AKNA: variants seen among roughly 807,000 people sequenced by gnomAD.
AKNA encodes the protein AT-hook transcription factor.
In AKNA, 67 loss-of-function variants were observed where a neutral mutation model predicts 138.8. The observed-to-expected ratio is 0.48, with a 90% CI of 0.40 to 0.59. AKNA has a LOEUF of 0.59. AKNA is among the 20% of genes least tolerant of loss of function. AKNA has a pLI of 0.00. For synonymous variants in AKNA, 737 were observed against 754.4 expected (o/e 0.98, Z 0.38); for missense variants, 1,813 against 1,880.4 (o/e 0.96, Z 0.66).
At chr9:114,361,176 C>T (rs900868375) in intron 9 of AKNA, among the ~76,000 whole-genome samples, 2 of 152,170 alleles carry the variant, frequency 1.3e-5, no homozygotes, top group Non-Finnish European at 2.9e-5. Context: ...TCATGGGGCC[C>T]CTGCCTGCCT....
At chr9:114,375,322 G>A (rs530721277) in intron 3 of AKNA, among the ~76,000 whole-genome samples, 3 of 152,288 alleles carry the variant, frequency 2.0e-5, no homozygotes, top group African/African-American at 7.2e-5. Flanking sequence ...GTAAGAAGGA[G>A]GACGGACTAA....
At chr9:114,358,385 A>C in intron 11 of AKNA, 1 of 568,260 alleles carries the variant, frequency 1.8e-6, no homozygotes, top group Non-Finnish European at 3.0e-6. Context: ...ATGGATGCCA[A>C]CAAAACCCAC....
chr9:114,341,870 G>C, intron 20 of AKNA, 139 bp downstream of exon 20: 1 of 1,309,914 alleles, frequency 7.6e-7, no homozygotes, highest in South Asian at 1.3e-5. Flanking sequence ...GTCTCTCTTT[G>C]GGGAACAAAT....
upstream of AKNA, among the ~76,000 whole-genome samples, chr9:114,388,775 G>C (rs2787329): frequency 0.48 from 73,718 of 152,022 alleles, 18,366 homozygotes; most frequent in East Asian, 0.79. Flanking sequence ...TGGCAGGGCC[G>C]AAGACAGGCC....
In AKNA at chr9:114,377,363, A is replaced by G; in HGVS notation, c.444T>C (p.Ala148=). ...GESSSRLGYE[A]GLSLEGHGNT... ...TTCCATGGCCTTCCAAGCTGAGACC[A>G]GCCTCATACCCCAACCTTGAGGAGC... The change falls in exon 3 of 22, where the codon GCT becomes GCC. Residue 148 remains alanine (A), a synonymous_variant. Transcript: ENST00000374088. 2 of 1,613,956 alleles carry G rather than the reference A, an allele frequency of 1.2e-6. No homozygotes were observed. Among genetic ancestry groups the G allele is most frequent in the Non-Finnish European group, 1.7e-6 (2 of 1,179,926 alleles).
chr9:114,355,879 T>C, intron 14 of AKNA, 46 bp downstream of exon 14: 1 of 1,571,496 alleles, frequency 6.4e-7, no homozygotes, highest in African/African-American at 1.4e-5. Context: ...TTCTATTTGA[T>C]TTTTCAACCC....
At chr9:114,346,636 T>C in intron 17 of AKNA, 33 bp downstream of exon 17, 1 of 1,549,478 alleles carries the variant, frequency 6.5e-7, no homozygotes, top group Non-Finnish European at 8.8e-7. Flanking sequence ...GACTGTGGCC[T>C]CTGGAAATCA....
chr9:114,332,568 TTGC>T (rs1829873622), downstream of AKNA, among the ~76,000 whole-genome samples: 1 of 151,992 alleles, frequency 6.6e-6, no homozygotes, highest in East Asian at 1.9e-4. Context: ...TTCCTTCCAT[TTGC>T]CACCTGAGAT....
At chr9:114,385,080 C>G (rs1052007958) in intron 1 of AKNA, among the ~76,000 whole-genome samples, 21 of 152,266 alleles carry the variant, frequency 1.4e-4, no homozygotes, top group African/African-American at 4.8e-4. Context: ...TTTTGAACTC[C>G]TTGTTTCAAA....
At chr9:114,356,452 C>T (rs1386703150) in intron 13 of AKNA, among the ~76,000 whole-genome samples, 1 of 152,152 alleles carries the variant, frequency 6.6e-6, no homozygotes, top group Non-Finnish European at 1.5e-5. Context: ...AGGGCCTGCA[C>T]CCAGCTTTGG....
chr9:114,333,197 G>A, downstream of AKNA: 1 of 1,145,112 alleles, frequency 8.7e-7, no homozygotes, highest in East Asian at 2.6e-5. Flanking sequence ...AACCCGACAT[G>A]TGTACCTCAG....
rs771977345 is a variant in AKNA at position 114,358,040 on chromosome 9, G to A, written c.2620C>T (p.Pro874Ser). ...GATGCTGCGGACTTGGTGCCTGGAG[G>A]GTGGGGTGGCACGCCAGGGCCTGGA... ...APPGPGVPPH[P>S]PGTKSAASHQ... The change falls in exon 12 of 22, where the codon CCT (proline) becomes TCT (serine). Residue 874 changes from proline to serine, a missense_variant. By Grantham distance (74) the Pro-to-Ser change is moderately conservative. Transcript: ENST00000374088. 3.7e-6 allele frequency: 6 copies of A among 1,611,098 alleles called. No individual in the cohort carries two copies. Among genetic ancestry groups the A allele is most frequent in the Non-Finnish European group, 5.1e-6 (6 of 1,177,950 alleles).
At chr9:114,360,581 T>C (rs1831875096) in intron 9 of AKNA, among the ~76,000 whole-genome samples, 1 of 152,172 alleles carries the variant, frequency 6.6e-6, no homozygotes, top group African/African-American at 2.4e-5. Context: ...AGAGTTTTCC[T>C]ACCCTCTAGG....
chr9:114,371,761 G>A (rs1052863690), intron 4 of AKNA, among the ~76,000 whole-genome samples: 2 of 152,128 alleles, frequency 1.3e-5, no homozygotes, highest in Non-Finnish European at 2.9e-5. Flanking sequence ...TGGGTGTCCA[G>A]CGCAACATCC....
intron 3 of AKNA, 56 bp from the exon 4 acceptor site, chr9:114,374,223 T>C: frequency 2.0e-6 from 3 of 1,508,296 alleles, no homozygotes; most frequent in Non-Finnish European, 9.0e-7. Flanking sequence ...GAACCCCTCC[T>C]TGCTGGGAGA....
In AKNA at chr9:114,367,529, G is replaced by A. The variant is rs1202982071; in HGVS notation, c.1728+14C>T. 1.2e-6 allele frequency: 2 copies of A among 1,611,882 alleles called. No homozygotes were observed. Among genetic ancestry groups the A allele is most frequent in the African/African-American group, 2.7e-5 (2 of 74,850 alleles). On this transcript the variant is annotated intron_variant, in intron 6 of 21. Transcript: ENST00000374088. ...AGTTAAGTCTCTCGGGGGCAAAGCT[G>A]GGAGTCCACTCACCTTGGCCAGGAA... is the stretch of plus-strand genomic sequence containing the variant.
At chr9:114,380,939 T>G in intron 2 of AKNA, 121 bp downstream of exon 2, 1 of 1,176,296 alleles carries the variant, frequency 8.5e-7, no homozygotes, top group Non-Finnish European at 1.1e-6. Context: ...GCCGAGATCG[T>G]GCCACTGCAC....
intron 16 of AKNA, among the ~76,000 whole-genome samples, chr9:114,347,364 C>T (rs972988123): frequency 2.6e-5 from 4 of 152,066 alleles, no homozygotes; most frequent in East Asian, 1.9e-4. Context: ...GGATTACAGG[C>T]GCACACCACC....
upstream of AKNA, among the ~76,000 whole-genome samples, chr9:114,396,108 G>C (rs1205602383): frequency 2.6e-5 from 4 of 152,176 alleles, no homozygotes; most frequent in Non-Finnish European, 5.9e-5. Flanking sequence ...CACCTACTCT[G>C]TGTAGGGCTC....
Sources: gnomAD v4.1 joint callset for allele counts (sites outside exome capture counted in the v4.1 genomes callset) on GRCh38, gnomAD v4.1.1 for gene constraint, MANE v1.5 for transcripts, NCBI Gene and HGNC (gene_info 2026-07-23, HGNC 2026-07-21) for gene names.